ABCC12: variants seen among roughly 807,000 people sequenced by gnomAD.
ABCC12 encodes ATP binding cassette subfamily C member 12.
Under a neutral mutation model 151.1 loss-of-function variants are expected in ABCC12, and 142 were observed. The ratio of observed to expected loss-of-function variants is 0.94; its 90% CI spans 0.82 to 1.08. The LOEUF (loss-of-function observed/expected upper bound fraction) is 1.08. Ranked by LOEUF, ABCC12 falls within the 50% of genes least tolerant of loss-of-function variation. The pLI is 0.00. For missense variants in ABCC12, 1,638 were observed against 1,691.1 expected, an observed-to-expected ratio of 0.97 and a Z score of 0.55; for synonymous variants, 645 against 646.4, an observed-to-expected ratio of 1.00 and a Z score of 0.03.
Position 48,082,766 on chromosome 16 carries a change from C to A in ABCC12, c.*949G>T, listed in dbSNP as rs977959728. ...AATGAAAAACAGCCAGAACTCCCAG[C>A]GTGCCCCTTGGCGGCTACTACACAA... On this transcript the variant is annotated 3_prime_UTR_variant, in exon 31 of 31. Transcript: ENST00000311303. Among the ~76,000 whole-genome samples the A allele has an allele frequency of 6.6e-6, 1 of 152,206 alleles. No individual in the cohort carries two copies. The highest frequency in any genetic ancestry group is 1.5e-5 in the Non-Finnish European group (1 of 68,032).
intron 18 of ABCC12, among the ~76,000 whole-genome samples, chr16:48,110,126 C>T (rs1222496611): frequency 3.9e-5 from 6 of 152,198 alleles, no homozygotes; most frequent in African/African-American, 9.6e-5. Flanking sequence ...GGTACTTCAG[C>T]CCTGGAAGCC....
At chr16:48,126,904 G>A (rs1197958578) in intron 11 of ABCC12, among the ~76,000 whole-genome samples, 1 of 152,204 alleles carries the variant, frequency 6.6e-6, no homozygotes, top group African/African-American at 2.4e-5. Context: ...AAGCCATTGC[G>A]TGGCCAGAAA....
Position 48,140,921 on chromosome 16 carries a change from C to A in ABCC12, c.424-1G>T. The A allele has an allele frequency of 6.2e-7, 1 of 1,612,772 alleles. No individual in the cohort carries two copies. Among genetic ancestry groups the A allele is most frequent in the Non-Finnish European group, 8.5e-7 (1 of 1,179,114 alleles). ...GGAGGATTTGGTGAATGAGAACTGTCTGTAAAACAGCATGGTGGGGAGAAG... is the reference window on the plus strand; with the variant it reads ...GGAGGATTTGGTGAATGAGAACTGTATGTAAAACAGCATGGTGGGGAGAAG... On this transcript the variant is annotated splice_acceptor_variant, in intron 5 of 30. Transcript: ENST00000311303. LOFTEE classifies it high-confidence loss of function.
chr16:48,108,394 T>G, intron 19 of ABCC12, 46 bp downstream of exon 19: 3 of 1,556,748 alleles, frequency 1.9e-6, no homozygotes, highest in Non-Finnish European at 2.7e-6. Context: ...AGACAGGATT[T>G]TTAAAATGCA....
intron 26 of ABCC12, 119 bp from the exon 27 acceptor site, chr16:48,088,204 G>T: frequency 1.7e-6 from 2 of 1,202,326 alleles, no homozygotes; most frequent in African/African-American, 1.5e-5. Flanking sequence ...GGATGACAGT[G>T]TAGACAGAAA....
At chr16:48,141,019 AC>A (rs1964791701) in intron 5 of ABCC12, 99 bp from the exon 6 acceptor site, 1 of 1,414,058 alleles carries the variant, frequency 7.1e-7, no homozygotes, top group Non-Finnish European at 9.6e-7. Flanking sequence ...TAAGAGGCAA[AC>A]TTTTTAATTA....
Position 48,107,354 on chromosome 16 carries a change from A to T in ABCC12, c.2443T>A (p.Trp815Arg). The T allele has an allele frequency of 6.2e-7, 1 of 1,614,156 alleles. No homozygotes were observed. Among genetic ancestry groups the T allele is most frequent in the Non-Finnish European group, 8.5e-7 (1 of 1,180,018 alleles). Residue 815 changes from tryptophan to arginine, a missense_variant, in exon 20 of 31, where the codon TGG (tryptophan) becomes AGG (arginine). Trp to Arg is a moderately radical substitution (Grantham distance 101). Coordinates refer to ENST00000311303, the MANE Select transcript of ABCC12 (RefSeq NM_001393797.1). The part of the protein sequence containing the change: ...MIGSAAFSNW[W>R]LGLWLDKGSR... Reference sequence around the variant, plus strand: ...CCCTTGTCCAACCAGAGACCCAGCCACCAGTTGCTGAAGGCAGCGCTGCCA... The same window carrying T: ...CCCTTGTCCAACCAGAGACCCAGCCTCCAGTTGCTGAAGGCAGCGCTGCCA...
intron 13 of ABCC12, among the ~76,000 whole-genome samples, chr16:48,117,786 C>T (rs1963937981): frequency 6.6e-6 from 1 of 152,050 alleles, no homozygotes; most frequent in Non-Finnish European, 1.5e-5. Context: ...CAGCAGGGGG[C>T]TGGGTGATCA....
intron 4 of ABCC12, 61 bp downstream of exon 4, chr16:48,143,849 G>A: frequency 6.5e-7 from 1 of 1,544,206 alleles, no homozygotes; most frequent in South Asian, 1.2e-5. Context: ...CCCACTCTCA[G>A]GTATTTCCTC....
chr16:48,087,926 C>T lies in ABCC12; in HGVS notation c.3635G>A (p.Arg1212Lys). The change falls in exon 27 of 31, where the codon AGG becomes AAG. Residue 1212 changes from arginine (R) to lysine (K), a missense_variant and splice_region_variant. Arg to Lys is a conservative substitution (Grantham distance 26). Coordinates refer to ENST00000311303, the MANE Select transcript of ABCC12 (RefSeq NM_001393797.1). ...ATGCACAATGATTAAAAACAGCTAC[C>T]TTACTGTACCTACAAACAGGACAGG... ...QDPVLFVGTV[R>K]YNLDPFESHT... is the part of the protein sequence containing the mutation. The T allele has an allele frequency of 6.2e-7, 1 of 1,608,174 alleles. No individual in the cohort carries two copies. Among genetic ancestry groups the T allele is most frequent in the Non-Finnish European group, 8.5e-7 (1 of 1,176,616 alleles).
Position 48,089,042 on chromosome 16 carries a change from T to C in ABCC12, c.3286-308A>G, listed in dbSNP as rs1223212897. Among the ~76,000 whole-genome samples the C allele has an allele frequency of 2.0e-5, 3 of 152,242 alleles. No homozygotes were observed. In the East Asian group the frequency reaches 5.8e-4, roughly 29 times the overall value. On this transcript the variant is annotated intron_variant, in intron 25 of 30. Transcript: ENST00000311303. ...GTTTCAGGAAGGCACCTATGTGACA[T>C]TGGACCTGAGGGCTGGAGTGCTGGG...
Position 48,139,223 on chromosome 16 carries a change from GA to G in ABCC12, c.770del (p.Phe257SerfsTer38), listed in dbSNP as rs1286509583. On this transcript the variant is annotated frameshift_variant, in exon 7 of 31. Coordinates refer to ENST00000311303, the MANE Select transcript of ABCC12 (RefSeq NM_001393797.1). LOFTEE classifies it high-confidence loss of function. The stretch of plus-strand genomic sequence containing the variant: ...CGATGAGAGCTGTGGGCCCCAGAAT[GA>G]AAAAGGCGTACGCCGCACAAAAGAC... ...LMVFCAAYAFFILGPTALIGI... is the reference protein window; with the variant it reads ...LMVFCAAYAFXILGPTALIGI... 31 of 1,614,030 alleles carry G rather than the reference GA, an allele frequency of 1.9e-5. No homozygotes were observed. The highest frequency in any genetic ancestry group is 2.6e-5 in the Non-Finnish European group (31 of 1,179,984).
At chr16:48,106,744 T>C (rs1216860059) in intron 20 of ABCC12, among the ~76,000 whole-genome samples, 2 of 152,122 alleles carry the variant, frequency 1.3e-5, no homozygotes, top group African/African-American at 4.8e-5. Context: ...TTTGAGACCA[T>C]TGGCCAAAAG....
chr16:48,134,882 C>G (rs1964553232), intron 8 of ABCC12, among the ~76,000 whole-genome samples: 1 of 152,042 alleles, frequency 6.6e-6, no homozygotes, highest in African/African-American at 2.4e-5. Flanking sequence ...GAAACCCCGT[C>G]TCTACTAAAT....
intron 8 of ABCC12, among the ~76,000 whole-genome samples, chr16:48,135,138 C>T (rs901909920): frequency 4.6e-5 from 7 of 152,024 alleles, no homozygotes; most frequent in Non-Finnish European, 8.8e-5. Context: ...CCTGTAACTT[C>T]GCTTTCCTGA....
intron 2 of ABCC12, among the ~76,000 whole-genome samples, chr16:48,151,389 G>T (rs1965115083): frequency 6.6e-6 from 1 of 152,104 alleles, no homozygotes; most frequent in Admixed American, 6.6e-5. Context: ...ACAGCCAAGG[G>T]GCACCTAAGG....
intron 2 of ABCC12, among the ~76,000 whole-genome samples, chr16:48,153,157 G>A (rs1965139056): frequency 1.3e-5 from 2 of 152,138 alleles, no homozygotes; most frequent in South Asian, 2.1e-4. Flanking sequence ...TGGAACATTG[G>A]AGAAATCTAA....
At chr16:48,115,111 G>A (rs1443491659) in intron 15 of ABCC12, among the ~76,000 whole-genome samples, 1 of 152,074 alleles carries the variant, frequency 6.6e-6, no homozygotes, top group Non-Finnish European at 1.5e-5. Context: ...ATCTTACCAG[G>A]CGCCCAGAAC....
At chr16:48,155,376 T>TAAA (rs111585385) in intron 1 of ABCC12, among the ~76,000 whole-genome samples, 2 of 125,144 alleles carry the variant, frequency 1.6e-5, no homozygotes. Flanking sequence ...ATTTAAAAGT[T>TAAA]AAAAAAAAAA....
Sources: gnomAD v4.1 joint callset for allele counts (sites outside exome capture counted in the v4.1 genomes callset) on GRCh38, gnomAD v4.1.1 for gene constraint, MANE v1.5 for transcripts, NCBI Gene and HGNC (gene_info 2026-07-23, HGNC 2026-07-21) for gene names.